The following NALF1 variants were observed in gnomAD, a reference collection of about 807,000 sequenced individuals.
NALF1 encodes the protein NALCN channel auxiliary factor 1, also known as family with sequence similarity 155 member A.
Under a neutral mutation model 48.4 loss-of-function variants are expected in NALF1, and 3 were observed. The observed-to-expected ratio is 0.06, with a 90% CI of 0.03 to 0.16. The LOEUF (loss-of-function observed/expected upper bound fraction) is 0.16, where lower values mean the gene tolerates loss of function less well. NALF1 is among the 10% of genes least tolerant of loss of function. The pLI is 1.00. For missense variants in NALF1, 526 were observed against 571.5 expected, an observed-to-expected ratio of 0.92 and a Z score of 0.81; for synonymous variants, 262 against 245.7, an observed-to-expected ratio of 1.07 and a Z score of -0.62.
chr13:107,461,046 C>T (rs987249120), intron 1 of NALF1, among the ~76,000 whole-genome samples: 3 of 152,014 alleles, frequency 2.0e-5, no homozygotes, highest in Non-Finnish European at 4.4e-5. Flanking sequence ...GAGTATTCAT[C>T]CTTGATTTTA....
At chr13:107,752,131 T>TTGA (rs1278310558) in intron 1 of NALF1, among the ~76,000 whole-genome samples, 1 of 152,056 alleles carries the variant, frequency 6.6e-6, no homozygotes, top group Non-Finnish European at 1.5e-5. Context: ...GCATGTCAGA[T>TTGA]GCCTTGCCTA....
At chr13:107,287,414 G>A (rs1881516707) in intron 1 of NALF1, among the ~76,000 whole-genome samples, 2 of 152,164 alleles carry the variant, frequency 1.3e-5, no homozygotes, top group South Asian at 4.1e-4. Flanking sequence ...TGACAAGCTG[G>A]TGGCCTCCTG....
intron 1 of NALF1, among the ~76,000 whole-genome samples, chr13:107,638,603 G>A (rs1363896196): frequency 6.6e-6 from 1 of 152,098 alleles, no homozygotes; most frequent in Non-Finnish European, 1.5e-5. Context: ...GTTTCAGAGA[G>A]TGATGCAAGC....
chr13:107,264,596 C>T (rs1881003792), intron 1 of NALF1, among the ~76,000 whole-genome samples: 1 of 152,182 alleles, frequency 6.6e-6, no homozygotes, highest in East Asian at 1.9e-4. Context: ...TTTGCAGCAA[C>T]CTTCACCGCA....
intron 1 of NALF1, among the ~76,000 whole-genome samples, chr13:107,506,675 T>C (rs1419075976): frequency 1.3e-5 from 2 of 152,178 alleles, no homozygotes; most frequent in Non-Finnish European, 2.9e-5. Flanking sequence ...TTTTACATAA[T>C]ATTTTCAAGT....
intron 1 of NALF1, among the ~76,000 whole-genome samples, chr13:107,303,631 A>C (rs1486819347): frequency 1.3e-5 from 2 of 152,198 alleles, no homozygotes; most frequent in Non-Finnish European, 2.9e-5. Flanking sequence ...CTCCAAAAGC[A>C]ATGTAGATTT....
At chr13:107,713,705 T>C (rs1054086263) in intron 1 of NALF1, among the ~76,000 whole-genome samples, 2 of 152,218 alleles carry the variant, frequency 1.3e-5, no homozygotes, top group Non-Finnish European at 2.9e-5. Context: ...AAAAGAATGA[T>C]AAAATGGAGC....
chr13:107,284,026 G>C (rs1323012613), intron 1 of NALF1, among the ~76,000 whole-genome samples: 2 of 152,074 alleles, frequency 1.3e-5, no homozygotes, highest in African/African-American at 4.8e-5. Context: ...AAAGTGGTGG[G>C]CATTGCTCAA....
chr13:107,661,877 A>G (rs1025375059), intron 1 of NALF1, among the ~76,000 whole-genome samples: 3 of 152,222 alleles, frequency 2.0e-5, no homozygotes, highest in African/African-American at 7.2e-5. Context: ...AAAGATGATA[A>G]ATAATAAATA....
chr13:107,336,386 A>G (rs1882556509), intron 1 of NALF1, among the ~76,000 whole-genome samples: 1 of 127,776 alleles, frequency 7.8e-6, no homozygotes, highest in Non-Finnish European at 1.7e-5. Flanking sequence ...TAATAATAAT[A>G]ATAATAAAAA....
At chr13:107,800,849 T>A (rs961351826) in intron 1 of NALF1, among the ~76,000 whole-genome samples, 1 of 151,352 alleles carries the variant, frequency 6.6e-6, no homozygotes, top group African/African-American at 2.4e-5. Context: ...AAGCATTACT[T>A]GGTTTAAGTT....
chr13:107,497,634 A>G (rs1039624125), intron 1 of NALF1, among the ~76,000 whole-genome samples: 1 of 152,212 alleles, frequency 6.6e-6, no homozygotes, highest in Non-Finnish European at 1.5e-5. Context: ...AATAAAAGCA[A>G]ACAAAATTAA....
intron 1 of NALF1, among the ~76,000 whole-genome samples, chr13:107,662,663 A>G (rs1433441577): frequency 6.6e-6 from 1 of 152,220 alleles, no homozygotes; most frequent in Non-Finnish European, 1.5e-5. Context: ...TAATTCACCT[A>G]TTATGTATTA....
At chr13:107,326,682 A>C (rs1009881196) in intron 1 of NALF1, among the ~76,000 whole-genome samples, 1 of 152,216 alleles carries the variant, frequency 6.6e-6, no homozygotes, top group African/African-American at 2.4e-5. Context: ...TGAATTGTCT[A>C]CAGAATACTT....
rs959547693 is a variant in NALF1 at position 107,362,115 on chromosome 13, G to A, written c.916-151360C>T. Among the ~76,000 whole-genome samples the A allele has an allele frequency of 1.3e-5, 2 of 152,086 alleles. No homozygotes were observed. The highest frequency in any genetic ancestry group is 6.6e-5 in the Admixed American group (1 of 15,266). ...GGGAATTCAACTCTTATTTTCTTAA[G>A]CTACTGAAATTTGGGGGCTGGTTGT... On this transcript the variant is annotated intron_variant, in intron 1 of 2. Transcript: ENST00000375915. The surrounding 1 kb of genome is among the most constrained non-coding windows in gnomAD (Gnocchi z 4.6).
chr13:107,657,077 C>T (rs921257624), intron 1 of NALF1, among the ~76,000 whole-genome samples: 6 of 151,974 alleles, frequency 3.9e-5, no homozygotes, highest in African/African-American at 1.4e-4. Flanking sequence ...ATGTACACTG[C>T]TCAGGTGATG....
chr13:107,451,406 T>C (rs1884737709), intron 1 of NALF1, among the ~76,000 whole-genome samples: 4 of 152,300 alleles, frequency 2.6e-5, no homozygotes, highest in Middle Eastern at 3.4e-3. Context: ...AATAAAACAT[T>C]GTGTCCTGGT....
chr13:107,245,400 C>T (rs1880561248), intron 1 of NALF1, among the ~76,000 whole-genome samples: 1 of 152,070 alleles, frequency 6.6e-6, no homozygotes, highest in Non-Finnish European at 1.5e-5. Context: ...AATGCCTGTT[C>T]CCTGGATCAT....
intron 1 of NALF1, among the ~76,000 whole-genome samples, chr13:107,766,158 C>T (rs904609365): frequency 1.3e-5 from 2 of 152,074 alleles, no homozygotes; most frequent in African/African-American, 2.4e-5. Context: ...AATAATGAGG[C>T]CTTGCTACAG....
Sources: allele counts gnomAD v4.1 joint callset (sites outside exome capture counted in the v4.1 genomes callset), GRCh38; gene constraint gnomAD v4.1.1; non-coding constraint Gnocchi (gnomAD v3.1); transcripts MANE v1.5; gene names NCBI Gene and HGNC (gene_info 2026-07-23, HGNC 2026-07-21).